Variants in SCAMP3 observed in about 807,000 individuals in gnomAD.
The protein encoded by SCAMP3 is secretory carrier-associated membrane protein 3.
A neutral mutation model predicts 44.1 loss-of-function variants in SCAMP3; 30 were observed. The ratio of observed to expected loss-of-function variants is 0.68; its 90% CI spans 0.51 to 0.92. The LOEUF (loss-of-function observed/expected upper bound fraction) is 0.92. SCAMP3 is among the 40% of genes least tolerant of loss of function. The pLI, the probability that SCAMP3 is intolerant of heterozygous loss-of-function variation, is 0.00. For missense variants in SCAMP3, 394 were observed against 440.0 expected, an observed-to-expected ratio of 0.90 and a Z score of 0.93; for synonymous variants, 168 against 171.1, an observed-to-expected ratio of 0.98 and a Z score of 0.14.
chr1:155,258,951 C>G lies in SCAMP3; in HGVS notation c.392G>C (p.Arg131Pro), dbSNP rs143130366. ...QHAALGGTAT[R>P]QNNWPPLPSF... ...AGGTAGAGGGGGCCAATTGTTCTGT[C>G]GAGCTGTAAGGCACAAAAAAACAGG... Residue 131 changes from arginine (R) to proline (P), a missense_variant, in exon 5 of 9, where the codon CGA becomes CCA. Coordinates refer to ENST00000302631, the MANE Select transcript of SCAMP3 (RefSeq NM_005698.4). 8.1e-6 allele frequency: 13 copies of G among 1,608,524 alleles called. No individual in the cohort carries two copies. Among genetic ancestry groups the G allele is most frequent in the Non-Finnish European group, 5.1e-6 (6 of 1,177,970 alleles).
In SCAMP3 at chr1:155,258,318, CTTTTTTTTTTTTTTTTTTTT is replaced by C. The variant is rs71996352; in HGVS notation, c.517+488_517+507del. Among the ~76,000 whole-genome samples the C allele has an allele frequency of 1.2e-3, 103 of 86,600 alleles. 1 individual carries two copies. Among genetic ancestry groups the C allele is most frequent in the South Asian group, 2.0e-3 (5 of 2,478 alleles). 56.8% of individuals were successfully genotyped at this position (86,600 alleles called of 152,430 possible). Reference sequence around the variant, plus strand: ...ACAGGTGTGAGCCACCGTGCCCGGCCTTTTTTTTTTTTTTTTTTTTTTTTTTTTTTTTTTTGAGATGGAGT... The same window carrying C: ...ACAGGTGTGAGCCACCGTGCCCGGCCTTTTTTTTTTTTTTTGAGATGGAGT... On this transcript the variant is annotated intron_variant, in intron 5 of 8. Transcript: ENST00000302631.
rs1672982785 is a variant in SCAMP3 at position 155,262,092 on chromosome 1, G to T, written c.60C>A (p.Pro20=). The T allele has an allele frequency of 6.2e-7, 1 of 1,614,064 alleles. No homozygotes were observed. The highest frequency in any genetic ancestry group is 8.5e-7 in the Non-Finnish European group (1 of 1,180,012). The part of the protein sequence containing the change: ...PFAEPSELDN[P]FQDPAVIQHR... Reference sequence around the variant, plus strand: ...GCCGACTGGCGCAAGTCACCTGAAAGGGGTTGTCAAGCTCGCTGGGCTCGG... The same window carrying T: ...GCCGACTGGCGCAAGTCACCTGAAATGGGTTGTCAAGCTCGCTGGGCTCGG... The change falls in exon 1 of 9, where the codon CCC becomes CCA. Residue 20 remains proline, a synonymous_variant. Coordinates refer to ENST00000302631, the MANE Select transcript of SCAMP3 (RefSeq NM_005698.4).
At position 155,262,278 on chromosome 1, in the gene SCAMP3, T is replaced by C. The variant is rs1050830755; in HGVS notation, c.-127A>G. 17 of 845,290 alleles carry C rather than the reference T, an allele frequency of 2.0e-5. No individual in the cohort carries two copies. The African/African-American group carries it at 2.4e-4, about 12-fold the overall frequency. 52.4% of individuals were successfully genotyped at this position (845,290 alleles called of 1,614,324 possible). A position where few individuals can be genotyped will look rare whatever the true frequency, so the allele number is the denominator to read the frequency against. Reference sequence around the variant, plus strand: ...CCCCGCTTCTCTGTGCACGGATTGGTTCCACCGACCGGAAGGGCCACAAGG... The same window carrying C: ...CCCCGCTTCTCTGTGCACGGATTGGCTCCACCGACCGGAAGGGCCACAAGG... On this transcript the variant is annotated 5_prime_UTR_variant, in exon 1 of 9. Transcript: ENST00000302631.
At position 155,257,142 on chromosome 1, in the gene SCAMP3, T is replaced by C. The variant is rs569100045; in HGVS notation, c.779+143A>G. The stretch of plus-strand genomic sequence containing the variant: ...CAAGAGTGCTGTCTGCGCTCTATCC[T>C]GGAAGTATGTCTTGTATCTCATTAA... On this transcript the variant is annotated intron_variant, in intron 7 of 8. Transcript: ENST00000302631. 297 of 648,450 alleles carry C rather than the reference T, an allele frequency of 4.6e-4. 1 individual carries two copies. The highest frequency in any genetic ancestry group is 6.9e-4 in the Non-Finnish European group (251 of 363,612). 40.2% of individuals were successfully genotyped at this position (648,450 alleles called of 1,614,324 possible).
rs533148896 is a variant in SCAMP3, at chr1:155,262,096, T to C, written c.56A>G (p.Asn19Ser). 7 of 1,613,956 alleles carry C rather than the reference T, an allele frequency of 4.3e-6. No homozygotes were observed. Among genetic ancestry groups the C allele is most frequent in the South Asian group, 1.1e-5 (1 of 91,070 alleles). The change falls in exon 1 of 9, where the codon AAC (asparagine) becomes AGC (serine). Residue 19 changes from asparagine (N) to serine (S), a missense_variant. Coordinates refer to ENST00000302631, the MANE Select transcript of SCAMP3 (RefSeq NM_005698.4). ...NPFAEPSELDNPFQDPAVIQH... is the reference protein window; with the variant it reads ...NPFAEPSELDSPFQDPAVIQH... ...ACTGGCGCAAGTCACCTGAAAGGGGTTGTCAAGCTCGCTGGGCTCGGCGAA... is the reference window on the plus strand; with the variant it reads ...ACTGGCGCAAGTCACCTGAAAGGGGCTGTCAAGCTCGCTGGGCTCGGCGAA...
intron 1 of SCAMP3, 49 bp downstream of exon 1, chr1:155,262,037 G>A (rs776129071): frequency 1.9e-6 from 3 of 1,567,864 alleles, no homozygotes; most frequent in Non-Finnish European, 2.6e-6. Flanking sequence ...CTACAGAACC[G>A]GGAAGAATCA....
At chr1:155,258,169 G>A (rs770441995) in intron 5 of SCAMP3, among the ~76,000 whole-genome samples, 1 of 151,714 alleles carries the variant, frequency 6.6e-6, no homozygotes, top group Non-Finnish European at 1.5e-5. Context: ...ACAGGCACCC[G>A]CCACCACGCC....
intron 1 of SCAMP3, 90 bp downstream of exon 1, chr1:155,261,996 G>A: frequency 7.6e-7 from 1 of 1,324,392 alleles, no homozygotes; most frequent in South Asian, 1.2e-5. Flanking sequence ...AGGATCAAAT[G>A]TCACAAATGG....
chr1:155,256,461 C>G, intron 8 of SCAMP3, 42 bp from the exon 9 acceptor site: 2 of 1,553,666 alleles, frequency 1.3e-6, no homozygotes, highest in Non-Finnish European at 1.7e-6. Context: ...ATTCCAGCCA[C>G]TGGTTCCCCA....
chr1:155,257,020 ATTC>A (rs1014185805), intron 7 of SCAMP3, among the ~76,000 whole-genome samples: 3 of 152,112 alleles, frequency 2.0e-5, no homozygotes, highest in African/African-American at 7.2e-5. Flanking sequence ...TCATCTGGGG[ATTC>A]TTCTTCCTCC....
chr1:155,257,708 C>T (rs376054844), intron 5 of SCAMP3, 51 bp from the exon 6 acceptor site: 27 of 1,504,350 alleles, frequency 1.8e-5, no homozygotes, highest in Non-Finnish European at 2.1e-5. Context: ...GCAATGAAGG[C>T]TCCTTCCCAT....
At position 155,259,096 on chromosome 1, in the gene SCAMP3, G is replaced by A. The variant is rs1199013730; in HGVS notation, c.389-142C>T. The stretch of plus-strand genomic sequence containing the variant: ...GATAGGGTCTCTGTTGTTCAGGCTG[G>A]AAGGTAGTGGTATGATCATGGTTCA... On this transcript the variant is annotated intron_variant, in intron 4 of 8. Coordinates refer to ENST00000302631, the MANE Select transcript of SCAMP3 (RefSeq NM_005698.4). 3 of 714,966 alleles carry A rather than the reference G, an allele frequency of 4.2e-6. No individual in the cohort carries two copies. The African/African-American group carries it at 5.9e-5, about 14-fold the overall frequency. 44.3% of individuals were successfully genotyped at this position (714,966 alleles called of 1,614,324 possible).
chr1:155,256,980 G>C (rs983597178), intron 7 of SCAMP3, among the ~76,000 whole-genome samples, 189 bp from the exon 8 acceptor site: 4 of 152,136 alleles, frequency 2.6e-5, no homozygotes, highest in Non-Finnish European at 5.9e-5. Context: ...TGAACCATTA[G>C]CCCTGAGCTC....
In SCAMP3 at chr1:155,256,410, A is replaced by G. The variant is rs1307315842; in HGVS notation, c.907T>C (p.Leu303=). 6 of 1,588,784 alleles carry G rather than the reference A, an allele frequency of 3.8e-6. No individual in the cohort carries two copies. The highest frequency in any genetic ancestry group is 1.4e-5 in the African/African-American group (1 of 74,016). ...AAGCTGGCACCTGTGCGGCGGTATAAGGAGTGGATCTGCAAGTAGAGGACA... is the reference window on the plus strand; with the variant it reads ...AAGCTGGCACCTGTGCGGCGGTATAGGGAGTGGATCTGCAAGTAGAGGACA... ...GIVMLKRIHS[L]YRRTGASFQK... Residue 303 remains leucine (L), a synonymous_variant, in exon 9 of 9, where the codon TTA becomes CTA. Transcript: ENST00000302631.
At chr1:155,259,332 G>C (rs1050527681) in intron 4 of SCAMP3, among the ~76,000 whole-genome samples, 1 of 151,876 alleles carries the variant, frequency 6.6e-6, no homozygotes, top group Non-Finnish European at 1.5e-5. Context: ...ATGCCACCAC[G>C]CCCAGCTAAT....
rs749488926 is a variant in SCAMP3, at chr1:155,257,340, C to A, written c.724G>T (p.Val242Phe). 2 of 1,613,730 alleles carry A rather than the reference C, an allele frequency of 1.2e-6. No individual in the cohort carries two copies. Among genetic ancestry groups the A allele is most frequent in the Non-Finnish European group, 1.7e-6 (2 of 1,179,936 alleles). Residue 242 changes from valine (V) to phenylalanine (F), a missense_variant, in exon 7 of 9, where the codon GTC (valine) becomes TTC (phenylalanine). Physicochemically the swap from Val to Phe is conservative, Grantham distance 50. Coordinates refer to ENST00000302631, the MANE Select transcript of SCAMP3 (RefSeq NM_005698.4). The stretch of plus-strand genomic sequence containing the variant: ...TGGAGGACAAAGAGCACATCCTGGA[C>A]GAAGAAAATGAAGAAGAAAACGAAG... Reference protein sequence around the residue: ...NFFVFFFIFFVQDVLFVLQAI... With the variant: ...NFFVFFFIFFFQDVLFVLQAI...
intron 5 of SCAMP3, among the ~76,000 whole-genome samples, chr1:155,258,049 C>T (rs1572003473): frequency 7.5e-6 from 1 of 133,480 alleles, no homozygotes; most frequent in Non-Finnish European, 1.6e-5. Flanking sequence ...GATGGAATCT[C>T]GCTCTGTCGC....
chr1:155,261,647 A>G lies in SCAMP3; in HGVS notation c.144+10T>C. On this transcript the variant is annotated intron_variant, in intron 2 of 8. Coordinates refer to ENST00000302631, the MANE Select transcript of SCAMP3 (RefSeq NM_005698.4). ...CCTTCCTTGAACTCCTATGCTCTCC[A>G]GTAGCTCACCTCCCGGGTCTCAAAA... The G allele has an allele frequency of 6.2e-7, 1 of 1,613,010 alleles. No individual in the cohort carries two copies. The highest frequency in any genetic ancestry group is 8.5e-7 in the Non-Finnish European group (1 of 1,179,062).
rs1672925861 is a variant in SCAMP3, at chr1:155,260,320, T to C, written c.388+10A>G. 3 of 1,609,732 alleles carry C rather than the reference T, an allele frequency of 1.9e-6. No individual in the cohort carries two copies. Among genetic ancestry groups the C allele is most frequent in the Non-Finnish European group, 2.5e-6 (3 of 1,179,988 alleles). On this transcript the variant is annotated intron_variant, in intron 4 of 8. Transcript: ENST00000302631. Reference sequence around the variant, plus strand: ...AACTCTCAGATGCTCTTCCCCACTCTATTACTTACTAGCTGTGCCCCCCAG... The same window carrying C: ...AACTCTCAGATGCTCTTCCCCACTCCATTACTTACTAGCTGTGCCCCCCAG...
Sources: gnomAD v4.1 joint callset for allele counts (sites outside exome capture counted in the v4.1 genomes callset) on GRCh38, gnomAD v4.1.1 for gene constraint, MANE v1.5 for transcripts, NCBI Gene and HGNC (gene_info 2026-07-23, HGNC 2026-07-21) for gene names.